PCDH7: variants seen among roughly 807,000 people sequenced by gnomAD.
PCDH7 encodes protocadherin-7.
A neutral mutation model predicts 58.9 loss-of-function variants in PCDH7; 17 were observed. The observed-to-expected ratio is 0.29, with a 90% CI of 0.20 to 0.43. The LOEUF (loss-of-function observed/expected upper bound fraction) is 0.43. Ranked by LOEUF, PCDH7 falls within the 20% of genes least tolerant of loss-of-function variation. PCDH7 has a pLI of 1.00. For synonymous variants in PCDH7, 664 were observed against 616.4 expected (o/e 1.08, Z -1.14); for missense variants, 1,274 against 1,441.0 (o/e 0.88, Z 1.88).
intron 3 of PCDH7, among the ~76,000 whole-genome samples, chr4:31,123,212 T>C (rs1344363552): frequency 1.3e-5 from 2 of 152,094 alleles, no homozygotes; most frequent in Non-Finnish European, 2.9e-5. Context: ...TTGGTAAACA[T>C]AACAAATTTA....
downstream of PCDH7, among the ~76,000 whole-genome samples, chr4:30,735,104 G>A (rs1424979935): frequency 6.6e-6 from 1 of 151,982 alleles, no homozygotes; most frequent in African/African-American, 2.4e-5. Context: ...CGCACTGGTC[G>A]TACAGTACAC....
chr4:30,790,995 G>A (rs1724056543), intron 1 of PCDH7, among the ~76,000 whole-genome samples: 1 of 152,028 alleles, frequency 6.6e-6, no homozygotes, highest in Non-Finnish European at 1.5e-5. Flanking sequence ...AGAAAAAAAG[G>A]GAAATTCTTT....
chr4:30,741,642 C>T (rs1717090217), intron 1 of PCDH7, among the ~76,000 whole-genome samples: 1 of 152,170 alleles, frequency 6.6e-6, no homozygotes, highest in South Asian at 2.1e-4. Flanking sequence ...AAGTTTAACT[C>T]CCAGTTGGAA....
chr4:31,015,837 T>C (rs1753564879), intron 3 of PCDH7, among the ~76,000 whole-genome samples: 1 of 152,164 alleles, frequency 6.6e-6, no homozygotes, highest in Admixed American at 6.5e-5. Context: ...TAATTATAGA[T>C]CACTTTTGTA....
chr4:30,894,490 AATAT>A (rs1553909430), intron 1 of PCDH7, among the ~76,000 whole-genome samples: 17 of 33,506 alleles, frequency 5.1e-4, no homozygotes, highest in East Asian at 1.5e-3. Flanking sequence ...AAAAAAAAAA[AATAT>A]ATATATATAT....
intron 3 of PCDH7, among the ~76,000 whole-genome samples, chr4:31,001,681 G>A (rs2109138308): frequency 6.6e-6 from 1 of 152,180 alleles, no homozygotes; most frequent in Non-Finnish European, 1.5e-5. Flanking sequence ...TACTAACCTA[G>A]TCATTAAATC....
At chr4:30,874,709 T>A (rs200646659) in intron 1 of PCDH7, among the ~76,000 whole-genome samples, 64 of 120,532 alleles carry the variant, frequency 5.3e-4, no homozygotes, top group East Asian at 5.3e-3. Context: ...AATAAAAAAA[T>A]AGTGAAATTG....
At chr4:30,752,175 C>A (rs910673085) in intron 1 of PCDH7, among the ~76,000 whole-genome samples, 1 of 152,000 alleles carries the variant, frequency 6.6e-6, no homozygotes, top group African/African-American at 2.4e-5. Context: ...TCTGTCGCAC[C>A]CAGGCTGGAG....
intron 1 of PCDH7, among the ~76,000 whole-genome samples, chr4:30,888,136 AG>A (rs1252755583): frequency 5.9e-5 from 9 of 152,020 alleles, no homozygotes; most frequent in African/African-American, 2.2e-4. Flanking sequence ...TGCCTCCCAA[AG>A]TTCTAGGATT....
intron 1 of PCDH7, among the ~76,000 whole-genome samples, chr4:30,837,775 C>A (rs992315215): frequency 6.6e-6 from 1 of 151,226 alleles, no homozygotes; most frequent in South Asian, 2.1e-4. Flanking sequence ...AACTCTCGCT[C>A]TATTATTAAT....
intron 2 of PCDH7, among the ~76,000 whole-genome samples, chr4:30,940,656 G>A (rs1745918377): frequency 6.6e-6 from 1 of 151,948 alleles, no homozygotes; most frequent in South Asian, 2.1e-4. Flanking sequence ...ACCAGGAAAT[G>A]TATTACTTAA....
intron 3 of PCDH7, among the ~76,000 whole-genome samples, chr4:31,056,458 G>GAAGAAAGAAAGAAAGAAAGAAAGAAAGA (rs1553932367): frequency 9.6e-5 from 8 of 83,156 alleles, no homozygotes; most frequent in South Asian, 5.0e-4. Flanking sequence ...AAGAAAGAAA[G>GAAGAAAGAAAGAAAGAAAGAAAGAAAGA]AAGAAAGAAA....
intron 3 of PCDH7, among the ~76,000 whole-genome samples, chr4:31,033,926 T>C (rs1396462410): frequency 2.0e-5 from 3 of 152,004 alleles, no homozygotes; most frequent in Admixed American, 2.0e-4. Context: ...AAACCCCATC[T>C]CTACTAAAAA....
At chr4:30,994,260 A>G (rs553702208) in intron 3 of PCDH7, among the ~76,000 whole-genome samples, 1 of 152,346 alleles carries the variant, frequency 6.6e-6, no homozygotes, top group African/African-American at 2.4e-5. Context: ...GGAAAGCTGT[A>G]GAATTTAGCC....
intron 1 of PCDH7, among the ~76,000 whole-genome samples, chr4:30,755,102 C>T (rs1719108459): frequency 6.6e-6 from 1 of 152,136 alleles, no homozygotes; most frequent in South Asian, 2.1e-4. Flanking sequence ...CTAGGGCTAG[C>T]TGACTCCAGA....
intron 3 of PCDH7, among the ~76,000 whole-genome samples, chr4:31,026,510 A>G (rs1754446316): frequency 6.6e-6 from 1 of 152,202 alleles, no homozygotes; most frequent in African/African-American, 2.4e-5. Context: ...ATAAATTTGT[A>G]TGCAGATATT....
chr4:30,756,971 C>T (rs980625539), intron 1 of PCDH7, among the ~76,000 whole-genome samples: 1 of 152,214 alleles, frequency 6.6e-6, no homozygotes, highest in African/African-American at 2.4e-5. Context: ...GTAGGAAGCT[C>T]TGCTCCCAGA....
chr4:30,752,783 CAAAAAAAA>C (rs35860745), intron 1 of PCDH7, among the ~76,000 whole-genome samples: 1 of 99,554 alleles, frequency 1.0e-5, no homozygotes, highest in African/African-American at 3.8e-5. Context: ...CCTGTAGGGG[CAAAAAAAA>C]AAAAAAAAAA....
At chr4:30,824,152 T>TGC (rs1728807596) in intron 1 of PCDH7, among the ~76,000 whole-genome samples, 1 of 145,480 alleles carries the variant, frequency 6.9e-6, no homozygotes, top group East Asian at 2.3e-4. Flanking sequence ...TCTTTCTTTC[T>TGC]TTCTTTCTTT....
Sources: gnomAD v4.1 joint callset for allele counts (sites outside exome capture counted in the v4.1 genomes callset) on GRCh38, gnomAD v4.1.1 for gene constraint, MANE v1.5 for transcripts, NCBI Gene and HGNC (gene_info 2026-07-23, HGNC 2026-07-21) for gene names.